Variants in MTOR observed in about 807,000 individuals in gnomAD.
The protein encoded by MTOR is serine/threonine-protein kinase mTOR.
A neutral mutation model predicts 319.8 loss-of-function variants in MTOR; 70 were observed. The observed-to-expected ratio is 0.22, with a 90% CI of 0.18 to 0.27. The LOEUF is 0.27. Ranked by LOEUF, MTOR falls within the 10% of genes least tolerant of loss-of-function variation. The pLI is 1.00. For missense variants in MTOR, 1,890 were observed against 3,274.4 expected (o/e 0.58, Z 10.32); for synonymous variants, 1,183 against 1,211.4 (o/e 0.98, Z 0.49).
Position 11,200,667 on chromosome 1 carries a change from AAAC to A in MTOR, c.3945-967_3945-965del, listed in dbSNP as rs796412015. 5.6e-4 allele frequency among the ~76,000 whole-genome samples: 85 copies of A among 152,348 alleles called. 1 individual carries two copies. The highest frequency in any genetic ancestry group is 2.0e-3 in the African/African-American group (82 of 41,582). Reference sequence around the variant, plus strand: ...GTATAATTTTGGAATTTGATAGAAAAAACAAAATTTGAAATCCAAAGGATCAAA... The same window carrying A: ...GTATAATTTTGGAATTTGATAGAAAAAAAATTTGAAATCCAAAGGATCAAA... On this transcript the variant is annotated intron_variant, in intron 26 of 57. Transcript: ENST00000361445.
intron 28 of MTOR, chr1:11,196,051 T>TGCTCA (rs1217243365): frequency 6.6e-6 from 1 of 152,122 alleles, no homozygotes; most frequent in Non-Finnish European, 1.5e-5. Flanking sequence ...AATCAGAGGG[T>TGCTCA]GAGCAGTGAC....
At chr1:11,191,760 T>C (rs1388104318) in intron 28 of MTOR, among the ~76,000 whole-genome samples, 1 of 152,146 alleles carries the variant, frequency 6.6e-6, no homozygotes, top group African/African-American at 2.4e-5. Flanking sequence ...TATGTGATAA[T>C]AAAATCTATC....
intron 3 of MTOR, among the ~76,000 whole-genome samples, chr1:11,257,981 G>A (rs552083318): frequency 1.7e-4 from 26 of 151,180 alleles, no homozygotes; most frequent in African/African-American, 6.1e-4. Flanking sequence ...ATGGTGGCAG[G>A]TGCCTGTAAT....
At chr1:11,241,706 G>T in intron 9 of MTOR, 25 bp from the exon 10 acceptor site, 1 of 1,599,096 alleles carries the variant, frequency 6.3e-7, no homozygotes, top group East Asian at 2.2e-5. Context: ...AGAGTGGCTA[G>T]TTGAGACATA....
At chr1:11,154,176 A>C (rs1282369430) in intron 30 of MTOR, among the ~76,000 whole-genome samples, 5 of 151,172 alleles carry the variant, frequency 3.3e-5, no homozygotes, top group African/African-American at 1.2e-4. Context: ...AAAAACAACA[A>C]CAACAACAAC....
At chr1:11,243,003 C>T in intron 9 of MTOR, 111 bp downstream of exon 9, 1 of 1,107,692 alleles carries the variant, frequency 9.0e-7, no homozygotes, top group Non-Finnish European at 1.3e-6. Flanking sequence ...TTGCTATACC[C>T]TGGAGTTTAA....
At position 11,145,065 on chromosome 1, in the gene MTOR, T is replaced by C; in HGVS notation, c.4687-20A>G. On this transcript the variant is annotated intron_variant, in intron 32 of 57. Transcript: ENST00000361445. ...AATGCACTAGAAGAGAAACAACCCT[T>C]GGGACTGAGCTCTGGACTTGGGAGC... 1.2e-6 allele frequency: 2 copies of C among 1,612,204 alleles called. No homozygotes were observed. Among genetic ancestry groups the C allele is most frequent in the Non-Finnish European group, 1.7e-6 (2 of 1,178,438 alleles).
At chr1:11,137,506 G>A (rs905489462) in intron 36 of MTOR, among the ~76,000 whole-genome samples, 5 of 152,112 alleles carry the variant, frequency 3.3e-5, no homozygotes, top group Admixed American at 6.5e-5. Flanking sequence ...TCAAGGAATT[G>A]GAAATTTTCT....
chr1:11,164,860 G>A (rs147027757), intron 29 of MTOR, among the ~76,000 whole-genome samples: 8,977 of 152,116 alleles, frequency 0.059, 373 homozygotes, highest in South Asian at 0.12. Flanking sequence ...ATAAAATACT[G>A]GCAAACTGAA....
At position 11,241,658 on chromosome 1, in the gene MTOR, T is replaced by G; in HGVS notation, c.1436A>C (p.Asp479Ala). The change falls in exon 10 of 58, where the codon GAT becomes GCT. Residue 479 changes from aspartate to alanine, a missense_variant. Coordinates refer to ENST00000361445, the MANE Select transcript of MTOR (RefSeq NM_004958.4). Reference sequence around the variant, plus strand: ...GCTGATGCAAGTGAAGACTGTGGCATCCACCTGCATTGCCTTCTGCCTCCT... The same window carrying G: ...GCTGATGCAAGTGAAGACTGTGGCAGCCACCTGCATTGCCTTCTGCCTCCT... ...AHKRQKAMQVDATVFTCISML... is the reference protein window; with the variant it reads ...AHKRQKAMQVAATVFTCISML... The G allele has an allele frequency of 6.2e-7, 1 of 1,613,458 alleles. No individual in the cohort carries two copies. Among genetic ancestry groups the G allele is most frequent in the South Asian group, 1.1e-5 (1 of 91,056 alleles).
chr1:11,258,050 C>T (rs1331330359), intron 3 of MTOR, among the ~76,000 whole-genome samples: 5 of 150,228 alleles, frequency 3.3e-5, no homozygotes, highest in Non-Finnish European at 7.4e-5. Context: ...GCGGAGGTTG[C>T]AGCAAGCCAA....
In MTOR at chr1:11,139,647, A is replaced by C. The variant is rs56219693; in HGVS notation, c.4884T>G (p.Arg1628=). The C allele has an allele frequency of 1.7e-4, 267 of 1,614,084 alleles. No individual in the cohort carries two copies. The highest frequency in any genetic ancestry group is 1.8e-4 in the Non-Finnish European group (214 of 1,180,050). ...IWWERLQGCQ[R]IVEDWQKILM... ...GGATTTTCTGCCAGTCCTCTACGAT[A>C]CGCTGGCAGCCCTGGAACATTCAGA... The change falls in exon 35 of 58, where the codon CGT becomes CGG. Residue 1628 remains arginine (R), a synonymous_variant. Transcript: ENST00000361445.
chr1:11,257,403 AAAC>A (rs1461330271), intron 3 of MTOR, among the ~76,000 whole-genome samples: 8 of 150,552 alleles, frequency 5.3e-5, no homozygotes, highest in Non-Finnish European at 1.2e-4. Context: ...AAAAAAAAGA[AAAC>A]AAAAAAATTA....
intron 46 of MTOR, among the ~76,000 whole-genome samples, chr1:11,125,800 G>GGAAGGCT (rs1253274771): frequency 2.7e-5 from 4 of 150,874 alleles, no homozygotes; most frequent in Non-Finnish European, 5.9e-5. Context: ...CCAGCACTTT[G>GGAAGGCT]GAAGGCTGAG....
In MTOR at chr1:11,210,917, AG is replaced by A. The variant is rs2100787496; in HGVS notation, c.3562-12del. ...AATGAAAATTTGGTACTAAAACAGG[AG>A]GGGGAAGAGATGAGAAACTATCATT... On this transcript the variant is annotated splice_polypyrimidine_tract_variant and intron_variant, in intron 23 of 57. Coordinates refer to ENST00000361445, the MANE Select transcript of MTOR (RefSeq NM_004958.4). 1.3e-6 allele frequency: 2 copies of A among 1,556,310 alleles called. No homozygotes were observed. Among genetic ancestry groups the A allele is most frequent in the Non-Finnish European group, 1.8e-6 (2 of 1,130,238 alleles).
intron 28 of MTOR, among the ~76,000 whole-genome samples, chr1:11,193,959 C>A (rs1271826089): frequency 2.0e-5 from 3 of 152,272 alleles, no homozygotes; most frequent in Non-Finnish European, 4.4e-5. Context: ...ACCCCCCCAA[C>A]CCCCCGACAA....
intron 28 of MTOR, chr1:11,193,627 G>C: frequency 3.1e-6 from 5 of 1,612,570 alleles, no homozygotes; most frequent in Admixed American, 1.7e-5. Context: ...CCATCATCCA[G>C]AGACGAAAAA....
chr1:11,115,607 C>T lies in MTOR; in HGVS notation c.7017-139G>A, dbSNP rs1259648257. 1.4e-6 allele frequency: 1 copy of T among 728,146 alleles called. No individual in the cohort carries two copies. The highest frequency in any genetic ancestry group is 1.7e-5 in the African/African-American group (1 of 57,772). The allele number at this position is 728,146 out of a possible 1,614,324, so 45.1% of individuals were successfully genotyped here. On this transcript the variant is annotated intron_variant, in intron 50 of 57. Transcript: ENST00000361445. This position sits in a 1 kb window ranked among gnomAD's most constrained non-coding sequence, Gnocchi z 4.5. ...TCCAGCCCCTCCACCTCCACTTCTG[C>T]AAGTCCAGTTTTACTGGAACACACA... is the stretch of plus-strand genomic sequence containing the variant.
In MTOR at chr1:11,128,834, C is replaced by T. The variant is rs761173976; in HGVS notation, c.5811+21G>A. The T allele has an allele frequency of 3.1e-6, 5 of 1,598,076 alleles. No homozygotes were observed. In the Admixed American group the frequency reaches 5.0e-5, roughly 16 times the overall value. ...GAAGAGAGACTTGGAGCCACCTTCA[C>T]CTGTAACCAAGTATCCTCACCTGTA... On this transcript the variant is annotated intron_variant, in intron 41 of 57. Transcript: ENST00000361445. The surrounding 1 kb of genome is among the most constrained non-coding windows in gnomAD (Gnocchi z 5.3).
Sources: gnomAD v4.1 joint callset for allele counts (sites outside exome capture counted in the v4.1 genomes callset) on GRCh38, gnomAD v4.1.1 for gene constraint, Gnocchi (gnomAD v3.1) non-coding constraint, MANE v1.5 for transcripts, NCBI Gene and HGNC (gene_info 2026-07-23, HGNC 2026-07-21) for gene names.